Variants in SP140 observed in about 807,000 individuals in gnomAD.
SP140 encodes the protein nuclear body protein SP140.
SP140 carries 81 observed loss-of-function variants against 125.0 expected under a neutral mutation model. The observed-to-expected ratio is 0.65, with a 90% confidence interval of 0.54 to 0.78. The LOEUF is 0.78. SP140 is among the 30% of genes least tolerant of loss of function. The pLI, the probability that SP140 is intolerant of heterozygous loss-of-function variation, is 0.00. For synonymous variants in SP140, 312 were observed against 354.0 expected (o/e 0.88, Z 1.33); for missense variants, 858 against 1,037.0 (o/e 0.83, Z 2.37).
At chr2:230,258,869 G>A (rs912004659) in intron 12 of SP140, among the ~76,000 whole-genome samples, 5 of 151,448 alleles carry the variant, frequency 3.3e-5, no homozygotes, top group African/African-American at 7.3e-5. Flanking sequence ...ATGTGTTTAC[G>A]TAAAATTAAA....
At chr2:230,198,874 T>C (rs900415455), upstream of SP140, among the ~76,000 whole-genome samples, 2 of 152,150 alleles carry the variant, frequency 1.3e-5, no homozygotes, top group Admixed American at 1.3e-4. Context: ...AAATTATTAA[T>C]GATAGCAAAT....
intron 7 of SP140, among the ~76,000 whole-genome samples, chr2:230,246,692 A>C (rs1209147889): frequency 6.6e-6 from 1 of 152,234 alleles, no homozygotes; most frequent in African/African-American, 2.4e-5. Context: ...TTGAAAAATT[A>C]GGAACAGAAA....
At chr2:230,223,180 G>C (rs1305244464), upstream of SP140, among the ~76,000 whole-genome samples, 1 of 151,994 alleles carries the variant, frequency 6.6e-6, no homozygotes, top group Non-Finnish European at 1.5e-5. Context: ...GGGACTACAG[G>C]CACGCATCAC....
chr2:230,221,687 A>T (rs756304226), upstream of SP140: 65 of 1,535,576 alleles, frequency 4.2e-5, no homozygotes, highest in African/African-American at 5.5e-5. Flanking sequence ...TTTTATGCAA[A>T]TGTCACATGT....
chr2:230,278,686 C>T (rs1192517566), intron 15 of SP140, among the ~76,000 whole-genome samples: 1 of 151,912 alleles, frequency 6.6e-6, no homozygotes, highest in African/African-American at 2.4e-5. Flanking sequence ...ATGGTGTAAG[C>T]CAAGCGTCTA....
the SP140 span, among the ~76,000 whole-genome samples, chr2:230,189,785 C>G: frequency 6.6e-6 from 1 of 152,174 alleles, no homozygotes; most frequent in Non-Finnish European, 1.5e-5. Flanking sequence ...TGAGTGAGAA[C>G]ATGCGGTGTT....
intron 22 of SP140, among the ~76,000 whole-genome samples, chr2:230,307,352 G>C (rs911757726): frequency 1.3e-5 from 2 of 152,216 alleles, no homozygotes; most frequent in African/African-American, 4.8e-5. Flanking sequence ...GGCTAAAAGA[G>C]CTGTAACACA....
At chr2:230,267,349 C>A (rs2053279000) in intron 12 of SP140, among the ~76,000 whole-genome samples, 1 of 152,162 alleles carries the variant, frequency 6.6e-6, no homozygotes, top group South Asian at 2.1e-4. Flanking sequence ...TAAAATTAGT[C>A]CTTCTTCTGA....
chr2:230,203,014 G>A (rs1220026814), upstream of SP140: 4 of 443,006 alleles, frequency 9.0e-6, no homozygotes, highest in Non-Finnish European at 1.7e-5. Flanking sequence ...CCTGATTTTC[G>A]TTTGTGTCGG....
In SP140 at chr2:230,237,352, T is replaced by C. The variant is rs968117210; in HGVS notation, c.237+92T>C. On this transcript the variant is annotated intron_variant, in intron 2 of 26. Transcript: ENST00000392045. This position sits in a 1 kb window ranked among gnomAD's most constrained non-coding sequence, Gnocchi z 5.4. Reference sequence around the variant, plus strand: ...AATGAGCAGGCTAAAGGGCCTCCTGTGAGTGGGGACCTTCACCATTCTGTA... The same window carrying C: ...AATGAGCAGGCTAAAGGGCCTCCTGCGAGTGGGGACCTTCACCATTCTGTA... 1.4e-5 allele frequency: 16 copies of C among 1,121,110 alleles called. No homozygotes were observed. In the Middle Eastern group the frequency reaches 6.5e-4, roughly 46 times the overall value. The allele number at this position is 1,121,110 out of a possible 1,614,324, so 69.4% of individuals were successfully genotyped here. A position where few individuals can be genotyped will look rare whatever the true frequency, so the allele number is the denominator to read the frequency against.
intron 22 of SP140, among the ~76,000 whole-genome samples, chr2:230,298,696 G>C (rs375832838): frequency 1.4e-4 from 22 of 152,266 alleles, no homozygotes; most frequent in African/African-American, 5.1e-4. Context: ...CTTTGCTTAG[G>C]TTGAATCTCA....
intron 12 of SP140, among the ~76,000 whole-genome samples, chr2:230,263,996 C>G (rs2052676763): frequency 6.6e-6 from 1 of 152,128 alleles, no homozygotes; most frequent in Non-Finnish European, 1.5e-5. Context: ...CTTTGTGCTT[C>G]TTGTATTTGG....
chr2:230,300,015 C>T (rs2058140287), intron 22 of SP140, among the ~76,000 whole-genome samples: 1 of 152,174 alleles, frequency 6.6e-6, no homozygotes, highest in African/African-American at 2.4e-5. Context: ...GATGGTCTTT[C>T]TCTACCTGCC....
chr2:230,206,984 T>A (rs2043935611), intron 1 of SP140, among the ~76,000 whole-genome samples: 1 of 152,076 alleles, frequency 6.6e-6, no homozygotes, highest in East Asian at 1.9e-4. Context: ...TATTTATATA[T>A]CACAAGGGGT....
chr2:230,196,125 A>G, the SP140 span, among the ~76,000 whole-genome samples: 1 of 152,206 alleles, frequency 6.6e-6, no homozygotes, highest in South Asian at 2.1e-4. Context: ...AAGGGAATAT[A>G]AATCATTATG....
the SP140 span, among the ~76,000 whole-genome samples, chr2:230,186,962 CAT>C: frequency 1.3e-5 from 2 of 152,126 alleles, no homozygotes; most frequent in South Asian, 2.1e-4. Flanking sequence ...CAGCAATAAA[CAT>C]GTGTGTAGGT....
At chr2:230,295,126 G>A (rs2149506013) in intron 21 of SP140, among the ~76,000 whole-genome samples, 1 of 152,354 alleles carries the variant, frequency 6.6e-6, no homozygotes, top group Non-Finnish European at 1.5e-5. Context: ...GTATATTCAG[G>A]ACAAGGTGAT....
At chr2:230,228,790 A>G (rs1177926181) in intron 1 of SP140, among the ~76,000 whole-genome samples, 1 of 152,092 alleles carries the variant, frequency 6.6e-6, no homozygotes, top group Admixed American at 6.6e-5. Context: ...TTATATTTAC[A>G]ATGACTTTCT....
intron 22 of SP140, among the ~76,000 whole-genome samples, chr2:230,307,470 C>T (rs1186131013): frequency 6.6e-6 from 1 of 152,252 alleles, no homozygotes; most frequent in Non-Finnish European, 1.5e-5. Flanking sequence ...TGAGCCAGGG[C>T]TGTGACTCCC....
Sources: gnomAD v4.1 joint callset for allele counts (sites outside exome capture counted in the v4.1 genomes callset) on GRCh38, gnomAD v4.1.1 for gene constraint, Gnocchi (gnomAD v3.1) non-coding constraint, MANE v1.5 for transcripts, NCBI Gene and HGNC (gene_info 2026-07-23, HGNC 2026-07-21) for gene names.